The following IRX2 variants were observed in gnomAD, a reference collection of about 807,000 sequenced individuals.
IRX2 encodes the protein iroquois-class homeodomain protein IRX-2.
A neutral mutation model predicts 42.9 loss-of-function variants in IRX2; 26 were observed. That is an observed-to-expected ratio of 0.61 (90% CI 0.44 to 0.84). The LOEUF is 0.84. Ranked by LOEUF, IRX2 falls within the 40% of genes least tolerant of loss-of-function variation. The pLI, the probability that IRX2 is intolerant of heterozygous loss-of-function variation, is 0.00. For synonymous variants in IRX2, 424 were observed against 353.9 expected (o/e 1.20, Z -2.22); for missense variants, 782 against 713.9 (o/e 1.10, Z -1.09).
the IRX2 span, among the ~76,000 whole-genome samples, chr5:2,735,928 A>G: frequency 6.6e-6 from 1 of 152,184 alleles, no homozygotes; most frequent in South Asian, 2.1e-4. Context: ...GTTAAAATGA[A>G]GTAGAAATTG....
chr5:2,747,641 C>G (rs200691788), intron 3 of IRX2, 25 bp from the exon 4 acceptor site: 2 of 1,612,156 alleles, frequency 1.2e-6, no homozygotes, highest in East Asian at 4.5e-5. Flanking sequence ...GGCAGTTAGT[C>G]AGAACCGACC....
intron 1 of IRX2, 106 bp from the exon 2 acceptor site, chr5:2,749,893 G>C (rs532495506): frequency 1.7e-6 from 2 of 1,210,040 alleles, no homozygotes; most frequent in Non-Finnish European, 2.3e-6. Flanking sequence ...CCCCCCGTGA[G>C]TCTGGCTCTG....
the IRX2 span, among the ~76,000 whole-genome samples, chr5:2,739,993 G>A: frequency 6.6e-6 from 1 of 152,174 alleles, no homozygotes; most frequent in African/African-American, 2.4e-5. Flanking sequence ...TGGGAGCTCG[G>A]GGGTCCTCGC....
downstream of IRX2, among the ~76,000 whole-genome samples, chr5:2,742,193 G>C (rs572280122): frequency 6.2e-4 from 94 of 152,258 alleles, no homozygotes; most frequent in African/African-American, 2.2e-3. Flanking sequence ...TCCTAAAACT[G>C]GGGCTCAAAG....
intron 1 of IRX2, 130 bp from the exon 2 acceptor site, chr5:2,749,917 C>A: frequency 2.1e-6 from 2 of 956,996 alleles, no homozygotes; most frequent in Non-Finnish European, 3.0e-6. Context: ...CTGCGCTTCC[C>A]GCCGCAAAAG....
At chr5:2,743,295 G>C (rs1737582105), downstream of IRX2, among the ~76,000 whole-genome samples, 1 of 152,130 alleles carries the variant, frequency 6.6e-6, no homozygotes, top group African/African-American at 2.4e-5. Context: ...AAAGGCAGTT[G>C]CTGGGCAGCT....
chr5:2,748,804 C>A lies in IRX2; in HGVS notation c.904G>T (p.Ala302Ser), dbSNP rs1331363016. 1 of 1,443,742 alleles carries A rather than the reference C, an allele frequency of 6.9e-7. No individual in the cohort carries two copies. Among genetic ancestry groups the A allele is most frequent in the East Asian group, 2.9e-5 (1 of 34,202 alleles). The allele number at this position is 1,443,742 out of a possible 1,614,324, so 89.4% of individuals were successfully genotyped here. Residue 302 changes from alanine (A) to serine (S), a missense_variant, in exon 3 of 4, where the codon GCC (alanine) becomes TCC (serine). Physicochemically the swap from Ala to Ser is moderately conservative, Grantham distance 99. Transcript: ENST00000302057. ...GTCTTGCGGCCACCGCGGGGCGCGG[C>A]CTCGGGCGGGGGGCTCAGCAGCGGC... ...EAPLLSPPPE[A>S]APRGGRKTPQ...
chr5:2,749,750 C>T lies in IRX2; in HGVS notation c.287G>A (p.Gly96Asp). 6.2e-7 allele frequency: 1 copy of T among 1,612,262 alleles called. No homozygotes were observed. Among genetic ancestry groups the T allele is most frequent in the Non-Finnish European group, 8.5e-7 (1 of 1,179,280 alleles). The change falls in exon 2 of 4, where the codon GGC becomes GAC. Residue 96 changes from glycine (G) to aspartate (D), a missense_variant. Coordinates refer to ENST00000302057, the MANE Select transcript of IRX2 (RefSeq NM_033267.5). ...PYDAHTTGMT[G>D]AISYHPYGSA... ...GCCGTACGGGTGGTAGCTGATGGCG[C>T]CGGTCATGCCGGTGGTGTGCGCGTC...
chr5:2,740,182 C>T, the IRX2 span, among the ~76,000 whole-genome samples: 44 of 138,124 alleles, frequency 3.2e-4, no homozygotes, highest in African/African-American at 8.1e-4. Context: ...TCGTGGCGTG[C>T]GGGGGCGGGG....
Position 2,749,061 on chromosome 5 carries a change from G to T in IRX2, c.656-9C>A, listed in dbSNP as rs1471897443. ...CACGTGCAGGCTGATCCCTGTGGGG[G>T]CGCGGGCACGGTGGGTGGCACGAGG... On this transcript the variant is annotated splice_polypyrimidine_tract_variant and intron_variant, in intron 2 of 3. Coordinates refer to ENST00000302057, the MANE Select transcript of IRX2 (RefSeq NM_033267.5). 12 of 1,594,816 alleles carry T rather than the reference G, an allele frequency of 7.5e-6. No individual in the cohort carries two copies. The East Asian group carries it at 1.1e-4, about 15-fold the overall frequency.
At chr5:2,743,535 C>CGGAGCCGGGAGCGCGCCCAGGCCT (rs56189372), downstream of IRX2, among the ~76,000 whole-genome samples, 17,764 of 151,916 alleles carry the variant, frequency 0.12, 1,256 homozygotes, top group African/African-American at 0.2. Context: ...CGCCGGGCCG[C>CGGAGCCGGGAGCGCGCCCAGGCCT]GGAGCCGGGA....
chr5:2,751,356 A>G lies in IRX2; in HGVS notation c.58T>C (p.Cys20Arg). ...AAAGCCGACGCGCCGTAGGCCGGGC[A>G]CGAGTAGAGCGCCAGCGAGCCGGGC... ...QAPGSLALYS[C>R]PAYGASALAA... is the part of the protein sequence containing the mutation. Residue 20 changes from cysteine (C) to arginine (R), a missense_variant, in exon 1 of 4, where the codon TGC (cysteine) becomes CGC (arginine). By Grantham distance (180) the Cys-to-Arg change is radical (BLOSUM62 -3). Around this residue, in one of 3 missense-constraint regions of IRX2, gnomAD observed 256 missense variants for 250.0 expected, o/e 1.02. Coordinates refer to ENST00000302057, the MANE Select transcript of IRX2 (RefSeq NM_033267.5). This position sits in a 1 kb window ranked among gnomAD's most constrained non-coding sequence, Gnocchi z 4.0. 1 of 1,434,984 alleles carries G rather than the reference A, an allele frequency of 7.0e-7. No homozygotes were observed. The highest frequency in any genetic ancestry group is 9.1e-7 in the Non-Finnish European group (1 of 1,094,600). 88.9% of individuals were successfully genotyped at this position (1,434,984 alleles called of 1,614,324 possible).
chr5:2,741,585 T>A (rs909108874), downstream of IRX2, among the ~76,000 whole-genome samples: 1 of 152,070 alleles, frequency 6.6e-6, no homozygotes, highest in Non-Finnish European at 1.5e-5. Flanking sequence ...GAAAAAAAAA[T>A]TCCCTAAAAT....
the IRX2 span, among the ~76,000 whole-genome samples, chr5:2,739,227 G>A: frequency 6.6e-6 from 1 of 152,230 alleles, no homozygotes; most frequent in African/African-American, 2.4e-5. Context: ...AACCCACCCC[G>A]AGCCCGCCGG....
downstream of IRX2, among the ~76,000 whole-genome samples, chr5:2,743,367 A>G (rs1737584624): frequency 6.6e-6 from 1 of 152,164 alleles, no homozygotes; most frequent in Non-Finnish European, 1.5e-5. Flanking sequence ...CGCGGGAGGC[A>G]GCGCCCGCGC....
At chr5:2,750,469 T>G (rs994497019) in intron 1 of IRX2, among the ~76,000 whole-genome samples, 2 of 152,204 alleles carry the variant, frequency 1.3e-5, no homozygotes, top group African/African-American at 4.8e-5. Flanking sequence ...GGCCCGGGCC[T>G]GGCCCAGCTC....
rs1737798051 is a variant in IRX2, at chr5:2,748,854, G to A, written c.854C>T (p.Ser285Leu). ...RGLAPPKPVT[S>L]SPLTGLEAPL... ...CGCCTCCAAGCCGGTAAGCGGCGAC[G>A]AGGTCACGGGCTTGGGCGGCGCCAG... Residue 285 changes from serine (S) to leucine (L), a missense_variant, in exon 3 of 4, where the codon TCG becomes TTG. Coordinates refer to ENST00000302057, the MANE Select transcript of IRX2 (RefSeq NM_033267.5). The A allele has an allele frequency of 1.9e-6, 3 of 1,580,940 alleles. No homozygotes were observed. The highest frequency in any genetic ancestry group is 1.7e-5 in the Admixed American group (1 of 58,534).
At chr5:2,739,243 G>C in the IRX2 span, among the ~76,000 whole-genome samples, 2 of 152,228 alleles carry the variant, frequency 1.3e-5, no homozygotes. Context: ...GCCGGCCCTC[G>C]CTCCGTGCGC....
In IRX2 at chr5:2,749,164, G is replaced by A. The variant is rs536784122; in HGVS notation, c.656-112C>T. On this transcript the variant is annotated intron_variant, in intron 2 of 3. Transcript: ENST00000302057. ...CCCTCCCCACGGGACCCCTCACCTCGCCCCCACCCGGCCACGTGACAGGCG... is the reference window on the plus strand; with the variant it reads ...CCCTCCCCACGGGACCCCTCACCTCACCCCCACCCGGCCACGTGACAGGCG... The A allele has an allele frequency of 1.3e-4, 187 of 1,486,254 alleles. No homozygotes were observed. The African/African-American group carries it at 1.8e-3, about 14-fold the overall frequency. 92.1% of individuals were successfully genotyped at this position (1,486,254 alleles called of 1,614,324 possible).
Sources: allele counts gnomAD v4.1 joint callset (sites outside exome capture counted in the v4.1 genomes callset), GRCh38; gene constraint gnomAD v4.1.1; regional missense constraint gnomAD v4.1.1; non-coding constraint Gnocchi (gnomAD v3.1); transcripts MANE v1.5; gene names NCBI Gene and HGNC (gene_info 2026-07-23, HGNC 2026-07-21).